Variants in SLC17A1 observed in about 807,000 individuals in gnomAD.
SLC17A1 encodes sodium-dependent phosphate transport protein 1.
A neutral mutation model predicts 53.5 loss-of-function variants in SLC17A1; 51 were observed. The ratio of observed to expected loss-of-function variants is 0.95; its 90% CI spans 0.76 to 1.20. The LOEUF is 1.20. Among genes scored for constraint, SLC17A1 ranks in the 50% most tolerant of loss-of-function variants. The pLI is 0.00. For missense variants in SLC17A1, 538 were observed against 568.2 expected (o/e 0.95, Z 0.54); for synonymous variants, 179 against 198.8 (o/e 0.90, Z 0.84).
the SLC17A1 span, among the ~76,000 whole-genome samples, chr6:25,762,271 G>C: frequency 1.3e-5 from 2 of 152,098 alleles, no homozygotes; most frequent in Non-Finnish European, 2.9e-5. Flanking sequence ...AGACAGGCAG[G>C]TATCATGACA....
At chr6:25,731,847 TC>T in the SLC17A1 span, 1 of 1,602,754 alleles carries the variant, frequency 6.2e-7, no homozygotes, top group South Asian at 1.1e-5. Context: ...CTTGGCTAGT[TC>T]CCCAGGCAGC....
chr6:25,730,249 G>A, the SLC17A1 span, among the ~76,000 whole-genome samples: 1 of 152,128 alleles, frequency 6.6e-6, no homozygotes, highest in Non-Finnish European at 1.5e-5. Context: ...ACAAGATATA[G>A]AAAGAACATA....
At chr6:25,768,938 G>T in the SLC17A1 span, 1 of 1,549,408 alleles carries the variant, frequency 6.5e-7, no homozygotes, top group East Asian at 2.3e-5. Context: ...AGGGAGAGTG[G>T]GAGAAAAGCA....
At chr6:25,826,829 T>C (rs967514993) in intron 2 of SLC17A1, among the ~76,000 whole-genome samples, 196 bp from the exon 3 acceptor site, 2 of 152,130 alleles carry the variant, frequency 1.3e-5, no homozygotes, top group African/African-American at 4.8e-5. Flanking sequence ...TCCTTAAAAT[T>C]GTATTTCCAG....
At chr6:25,748,807 A>C in the SLC17A1 span, among the ~76,000 whole-genome samples, 1 of 152,238 alleles carries the variant, frequency 6.6e-6, no homozygotes, top group Non-Finnish European at 1.5e-5. Flanking sequence ...CTGGATGTGC[A>C]CGTAAGCCAG....
the SLC17A1 span, among the ~76,000 whole-genome samples, chr6:25,730,626 A>G: frequency 6.6e-6 from 1 of 152,210 alleles, no homozygotes; most frequent in Non-Finnish European, 1.5e-5. Flanking sequence ...AATTGCAAAG[A>G]GTAGAGTTTA....
downstream of SLC17A1, chr6:25,780,376 A>C (rs1042345326): frequency 6.6e-6 from 1 of 152,228 alleles, no homozygotes; most frequent in Non-Finnish European, 1.5e-5. Context: ...GTGGATGATA[A>C]GTGCACTAAT....
chr6:25,821,618 G>A (rs574631122), intron 3 of SLC17A1, among the ~76,000 whole-genome samples: 5 of 152,150 alleles, frequency 3.3e-5, no homozygotes, highest in African/African-American at 1.2e-4. Flanking sequence ...TCAAAATCTT[G>A]GATAGTTTTT....
the SLC17A1 span, among the ~76,000 whole-genome samples, chr6:25,762,791 T>C: frequency 6.6e-6 from 1 of 152,306 alleles, no homozygotes; most frequent in East Asian, 1.9e-4. Context: ...AACCTACAAC[T>C]AGTCACCATT....
chr6:25,733,782 CTGTGTGTGTGTGTGTGTGTGTGTATG>C, the SLC17A1 span, among the ~76,000 whole-genome samples: 9 of 144,642 alleles, frequency 6.2e-5, 1 homozygote, highest in South Asian at 1.6e-3. Flanking sequence ...AAGCCTAATA[CTGTGTGTGTGTGTGTGTGTGTGTATG>C]TGTGTGTGTG....
At chr6:25,730,187 T>C in the SLC17A1 span, among the ~76,000 whole-genome samples, 2 of 152,190 alleles carry the variant, frequency 1.3e-5, no homozygotes, top group Non-Finnish European at 2.9e-5. Flanking sequence ...AAAATCAGTT[T>C]CTCAAAGAGA....
chr6:25,726,222 G>A, the SLC17A1 span: 18 of 1,612,586 alleles, frequency 1.1e-5, no homozygotes, highest in African/African-American at 2.7e-5. Context: ...CCTGGGCAAT[G>A]GTCACGCCGC....
intron 11 of SLC17A1, 40 bp from the exon 12 acceptor site, chr6:25,798,959 CTTGT>C (rs1561827438): frequency 6.6e-7 from 1 of 1,515,640 alleles, no homozygotes; most frequent in East Asian, 2.3e-5. Flanking sequence ...AATTATTGCT[CTTGT>C]TTTTTTGTTT....
chr6:25,730,695 G>A, the SLC17A1 span, among the ~76,000 whole-genome samples: 2 of 152,160 alleles, frequency 1.3e-5, no homozygotes, highest in African/African-American at 4.8e-5. Context: ...GCCATTCCGC[G>A]ATGTATACAT....
At chr6:25,770,164 C>T in the SLC17A1 span, 1 of 1,613,966 alleles carries the variant, frequency 6.2e-7, no homozygotes, top group African/African-American at 1.3e-5. Context: ...GGCTATGTGG[C>T]TGGAATATTT....
At chr6:25,777,910 C>G in the SLC17A1 span, 1 of 1,597,770 alleles carries the variant, frequency 6.3e-7, no homozygotes, top group South Asian at 1.1e-5. Context: ...AATAGAGTAC[C>G]ATCTCTCTCT....
chr6:25,748,185 G>C, the SLC17A1 span, among the ~76,000 whole-genome samples: 1 of 152,086 alleles, frequency 6.6e-6, no homozygotes, highest in East Asian at 1.9e-4. Context: ...GTCTCAGATT[G>C]GTGTTACTGA....
rs1231344076 is a variant in SLC17A1 at position 25,811,766 on chromosome 6, C to G, written c.902G>C (p.Gly301Ala). Residue 301 changes from glycine (G) to alanine (A), a missense_variant, in exon 9 of 13, where the codon GGG becomes GCG. Physicochemically the swap from Gly to Ala is moderately conservative, Grantham distance 60. Transcript: ENST00000244527. ...SMLHVNIKEN[G>A]FLSSLPYLFA... is the part of the protein sequence containing the mutation. ...CAAATAGGGAAGGGAAGACAAGAAC[C>G]CATTCTGAAGAGGAAACATTATTCT... 6.2e-7 allele frequency: 1 copy of G among 1,613,444 alleles called. No individual in the cohort carries two copies. The highest frequency in any genetic ancestry group is 1.3e-5 in the African/African-American group (1 of 74,874).
chr6:25,782,459 C>T (rs563371446), downstream of SLC17A1, among the ~76,000 whole-genome samples: 9 of 152,212 alleles, frequency 5.9e-5, no homozygotes, highest in Admixed American at 3.9e-4. Flanking sequence ...GCTATTGAAT[C>T]GCAGTATGAA....
Sources: gnomAD v4.1 joint callset for allele counts (sites outside exome capture counted in the v4.1 genomes callset) on GRCh38, gnomAD v4.1.1 for gene constraint, MANE v1.5 for transcripts, NCBI Gene and HGNC (gene_info 2026-07-23, HGNC 2026-07-21) for gene names.